ARHGAP17: variants seen among roughly 807,000 people sequenced by gnomAD.
The protein encoded by ARHGAP17 is rho GTPase-activating protein 17.
In ARHGAP17, 57 loss-of-function variants were observed where a neutral mutation model predicts 99.5. The observed-to-expected ratio is 0.57, with a 90% CI of 0.46 to 0.71. ARHGAP17 has a LOEUF of 0.71. Among genes scored for constraint, ARHGAP17 ranks in the 30% least tolerant of loss-of-function variants. The pLI is 0.00. For synonymous variants in ARHGAP17, 417 were observed against 429.6 expected (o/e 0.97, Z 0.36); for missense variants, 1,000 against 1,122.4 (o/e 0.89, Z 1.56).
At chr16:24,952,899 G>T (rs1301379824) in intron 11 of ARHGAP17, 32 bp downstream of exon 11, 3 of 1,598,678 alleles carry the variant, frequency 1.9e-6, no homozygotes, top group Admixed American at 3.3e-5. Flanking sequence ...CCTTGAGGGT[G>T]ACTTGATTTG....
chr16:24,948,391 G>A (rs1354012722), intron 13 of ARHGAP17, among the ~76,000 whole-genome samples: 1 of 152,188 alleles, frequency 6.6e-6, no homozygotes, highest in Non-Finnish European at 1.5e-5. Context: ...ATGCATCCCA[G>A]GAGAGGAACT....
intron 1 of ARHGAP17, among the ~76,000 whole-genome samples, chr16:25,014,175 C>T (rs2053719868): frequency 6.6e-6 from 1 of 152,146 alleles, no homozygotes; most frequent in South Asian, 2.1e-4. Flanking sequence ...AAGAAGTGTC[C>T]CACGTGCTTC....
intron 15 of ARHGAP17, 21 bp from the exon 16 acceptor site, chr16:24,942,164 A>C (rs1245029099): frequency 1.3e-6 from 2 of 1,597,090 alleles, no homozygotes; most frequent in Non-Finnish European, 8.5e-7. Context: ...AAAAATAAAC[A>C]AGTGCATGAG....
chr16:24,945,888 G>A (rs1045116483), intron 14 of ARHGAP17, among the ~76,000 whole-genome samples: 1 of 152,194 alleles, frequency 6.6e-6, no homozygotes, highest in African/African-American at 2.4e-5. Flanking sequence ...GTTCCCTGCT[G>A]TGTGACCTTA....
intron 1 of ARHGAP17, among the ~76,000 whole-genome samples, chr16:25,004,978 G>T (rs529455379): frequency 3.3e-5 from 5 of 152,200 alleles, no homozygotes; most frequent in Admixed American, 3.3e-4. Flanking sequence ...GCAGTGGTGC[G>T]ATCTTGGCTC....
intron 17 of ARHGAP17, 150 bp downstream of exon 17, chr16:24,939,214 C>T: frequency 2.9e-6 from 2 of 685,650 alleles, no homozygotes; most frequent in South Asian, 2.1e-5. Flanking sequence ...GTCTTTTTTT[C>T]CATCTTTTGC....
intron 6 of ARHGAP17, among the ~76,000 whole-genome samples, chr16:24,964,940 T>C (rs941071329): frequency 1.3e-5 from 2 of 151,828 alleles, no homozygotes; most frequent in African/African-American, 4.8e-5. Flanking sequence ...AGACTCCATG[T>C]CTACAAACAA....
chr16:24,929,545 C>T (rs527546190), intron 19 of ARHGAP17: 28 of 969,758 alleles, frequency 2.9e-5, no homozygotes, highest in African/African-American at 7.0e-5. Flanking sequence ...ATGCAAAACA[C>T]GGCTAAGCAG....
intron 1 of ARHGAP17, among the ~76,000 whole-genome samples, chr16:25,008,636 T>A (rs1042477033): frequency 6.6e-6 from 1 of 152,204 alleles, no homozygotes; most frequent in Non-Finnish European, 1.5e-5. Flanking sequence ...AAATGCACGG[T>A]GCACGTACTG....
intron 12 of ARHGAP17, among the ~76,000 whole-genome samples, chr16:24,950,941 T>G (rs2051623506): frequency 6.6e-6 from 1 of 150,976 alleles, no homozygotes; most frequent in Non-Finnish European, 1.5e-5. Flanking sequence ...CAGAAATAAG[T>G]GGCTCTTATT....
intron 2 of ARHGAP17, among the ~76,000 whole-genome samples, chr16:24,978,010 C>G (rs898944661): frequency 2.0e-5 from 3 of 152,156 alleles, no homozygotes; most frequent in Admixed American, 2.0e-4. Flanking sequence ...GTCTGTGCCT[C>G]TTTCTCAAAA....
At position 24,945,335 on chromosome 16, in the gene ARHGAP17, A is replaced by G. The variant is rs539264934; in HGVS notation, c.1242-1473T>C. ...GAGAACTTGTCTCAAAAAAAAAAAG[A>G]AAGGAAGAAAGAAGAAGAAGAAGAA... On this transcript the variant is annotated intron_variant, in intron 14 of 19. Coordinates refer to ENST00000289968, the MANE Select transcript of ARHGAP17 (RefSeq NM_001006634.3). 6.6e-5 allele frequency among the ~76,000 whole-genome samples: 10 copies of G among 151,302 alleles called. 1 individual carries two copies. In the South Asian group the frequency reaches 1.9e-3, roughly 28 times the overall value.
intron 19 of ARHGAP17, among the ~76,000 whole-genome samples, chr16:24,928,205 A>C (rs1200924758): frequency 6.6e-6 from 1 of 152,228 alleles, no homozygotes; most frequent in Non-Finnish European, 1.5e-5. Context: ...GCAGATTAAA[A>C]AATTCTAAAT....
chr16:24,947,608 A>C lies in ARHGAP17; in HGVS notation c.1128-13T>G. ...CTTGATCAAATATCTAGGGGTCAAA[A>C]GAGAAGGGGAGGGTTTCTCCTCTGA... On this transcript the variant is annotated splice_polypyrimidine_tract_variant and intron_variant, in intron 13 of 19. Transcript: ENST00000289968. 2.5e-6 allele frequency: 4 copies of C among 1,596,538 alleles called. No homozygotes were observed. The highest frequency in any genetic ancestry group is 3.4e-6 in the Non-Finnish European group (4 of 1,170,626).
chr16:24,998,703 C>T (rs13329750), intron 1 of ARHGAP17, among the ~76,000 whole-genome samples: 17 of 152,262 alleles, frequency 1.1e-4, no homozygotes, highest in Middle Eastern at 3.4e-3. Context: ...CCACACTGCA[C>T]GACTGCAGGG....
At chr16:24,927,650 A>G in intron 19 of ARHGAP17, 1 of 1,138,982 alleles carries the variant, frequency 8.8e-7, no homozygotes, top group Non-Finnish European at 1.1e-6. Flanking sequence ...CAAGTAGCAA[A>G]AATGCATTGG....
At chr16:24,993,975 A>AAAAATGAC (rs769608036) in intron 1 of ARHGAP17, among the ~76,000 whole-genome samples, 2 of 152,226 alleles carry the variant, frequency 1.3e-5, no homozygotes, top group Non-Finnish European at 1.5e-5. Flanking sequence ...CTGTAACTCC[A>AAAAATGAC]AAAATGACAA....
At chr16:24,932,904 ACATGTAT>A (rs930482303) in intron 18 of ARHGAP17, among the ~76,000 whole-genome samples, 6 of 152,158 alleles carry the variant, frequency 3.9e-5, no homozygotes, top group Non-Finnish European at 8.8e-5. Flanking sequence ...AAAGAAATGA[ACATGTAT>A]CACTCTTATC....
intron 3 of ARHGAP17, among the ~76,000 whole-genome samples, chr16:24,971,162 G>A (rs922351144): frequency 1.3e-4 from 20 of 150,816 alleles, no homozygotes; most frequent in African/African-American, 3.7e-4. Flanking sequence ...GAACCATCAC[G>A]CCCAGCCTGT....
Sources: allele counts gnomAD v4.1 joint callset (sites outside exome capture counted in the v4.1 genomes callset), GRCh38; gene constraint gnomAD v4.1.1; transcripts MANE v1.5; gene names NCBI Gene and HGNC (gene_info 2026-07-23, HGNC 2026-07-21).